Variants in AKAP19 observed in about 807,000 individuals in gnomAD.
The protein encoded by AKAP19 is small A-kinase anchoring protein.
chr2:190,140,537 A>G, the AKAP19 span, among the ~76,000 whole-genome samples: 1 of 152,154 alleles, frequency 6.6e-6, no homozygotes, highest in East Asian at 1.9e-4. Context: ...GCTCAACACC[A>G]TGTGGAAGCT....
chr2:190,089,264 A>G, the AKAP19 span, among the ~76,000 whole-genome samples: 1 of 151,844 alleles, frequency 6.6e-6, no homozygotes, highest in Non-Finnish European at 1.5e-5. Context: ...TTATTTATTT[A>G]TTTATTTTTA....
chr2:190,083,270 T>C, the AKAP19 span, among the ~76,000 whole-genome samples: 1 of 152,006 alleles, frequency 6.6e-6, no homozygotes, highest in African/African-American at 2.4e-5. Flanking sequence ...TCCCAACTAT[T>C]TGGGAGGCTG....
At chr2:190,064,621 T>C in the AKAP19 span, among the ~76,000 whole-genome samples, 1 of 152,286 alleles carries the variant, frequency 6.6e-6, no homozygotes, top group Middle Eastern at 3.4e-3. Flanking sequence ...ATGGCACCTG[T>C]CATATAGTAA....
the AKAP19 span, among the ~76,000 whole-genome samples, chr2:190,026,520 T>C: frequency 6.6e-6 from 1 of 152,218 alleles, no homozygotes; most frequent in African/African-American, 2.4e-5. Flanking sequence ...ACCAGAGCCC[T>C]GGAACCAAAA....
the AKAP19 span, among the ~76,000 whole-genome samples, chr2:189,936,067 A>G: frequency 2.0e-5 from 3 of 152,176 alleles, no homozygotes; most frequent in African/African-American, 7.2e-5. Flanking sequence ...ATTATAAAAT[A>G]ATGGATATTT....
chr2:190,200,352 T>C, the AKAP19 span: 1 of 551,366 alleles, frequency 1.8e-6, no homozygotes, highest in Non-Finnish European at 3.3e-6. Flanking sequence ...TCTTAGATTT[T>C]AGTCATCTGA....
the AKAP19 span, among the ~76,000 whole-genome samples, chr2:189,922,707 C>T: frequency 6.6e-6 from 1 of 152,136 alleles, no homozygotes; most frequent in Admixed American, 6.5e-5. Context: ...TTACCTATTA[C>T]TTATTGCTAT....
At chr2:190,110,720 G>T in the AKAP19 span, among the ~76,000 whole-genome samples, 3 of 152,172 alleles carry the variant, frequency 2.0e-5, no homozygotes, top group African/African-American at 7.2e-5. Context: ...GAATGATCTA[G>T]AAGTTGTAAC....
At chr2:189,964,799 G>A in the AKAP19 span, among the ~76,000 whole-genome samples, 1 of 152,172 alleles carries the variant, frequency 6.6e-6, no homozygotes, top group Non-Finnish European at 1.5e-5. Context: ...ATTAGGCTTT[G>A]GCATAAGGGA....
the AKAP19 span, among the ~76,000 whole-genome samples, chr2:190,064,386 C>A: frequency 6.6e-6 from 1 of 151,652 alleles, no homozygotes; most frequent in African/African-American, 2.4e-5. Context: ...ACACATGCAT[C>A]TATACAGTTC....
At chr2:189,956,427 C>T in the AKAP19 span, among the ~76,000 whole-genome samples, 3 of 151,916 alleles carry the variant, frequency 2.0e-5, no homozygotes, top group Non-Finnish European at 2.9e-5. Flanking sequence ...CCTCGGCCTC[C>T]CAAAGTGCTG....
chr2:189,879,684 G>A, the AKAP19 span: 1 of 152,284 alleles, frequency 6.6e-6, no homozygotes, highest in African/African-American at 2.4e-5. Flanking sequence ...TGGAGGTAAC[G>A]GCTGCTGCGG....
At chr2:190,200,061 G>C in the AKAP19 span, 6 of 1,613,956 alleles carry the variant, frequency 3.7e-6, no homozygotes, top group East Asian at 1.1e-4. Context: ...GCCTGTCTCA[G>C]GATATCTTGT....
chr2:189,907,247 A>G, the AKAP19 span, among the ~76,000 whole-genome samples: 1 of 151,780 alleles, frequency 6.6e-6, no homozygotes, highest in Non-Finnish European at 1.5e-5. Context: ...CCCAACTTTT[A>G]TTTTCTCTCT....
At chr2:190,143,767 A>C in the AKAP19 span, among the ~76,000 whole-genome samples, 5 of 151,282 alleles carry the variant, frequency 3.3e-5, no homozygotes, top group South Asian at 1.1e-3. Context: ...ACTTGGAACC[A>C]AGCCAAATGT....
chr2:190,058,951 G>A, the AKAP19 span, among the ~76,000 whole-genome samples: 2 of 151,730 alleles, frequency 1.3e-5, no homozygotes, highest in African/African-American at 2.4e-5. Flanking sequence ...TATGTAGCCA[G>A]AAACCACTTG....
At chr2:190,140,449 T>C in the AKAP19 span, among the ~76,000 whole-genome samples, 2 of 152,218 alleles carry the variant, frequency 1.3e-5, no homozygotes, top group African/African-American at 2.4e-5. Flanking sequence ...AGCACACTAC[T>C]GCTTGGACAT....
chr2:190,200,480 T>A, the AKAP19 span: 1 of 211,570 alleles, frequency 4.7e-6, no homozygotes, highest in South Asian at 1.2e-4. Context: ...CAAATTCCAA[T>A]GGTTGAAGTT....
At chr2:189,919,783 G>T in the AKAP19 span, among the ~76,000 whole-genome samples, 391 of 152,254 alleles carry the variant, frequency 2.6e-3, no homozygotes, top group Non-Finnish European at 4.1e-3. Flanking sequence ...TTCACTTTAT[G>T]TTGTCTCTGT....
Sources: gnomAD v4.1 joint callset for allele counts (sites outside exome capture counted in the v4.1 genomes callset) on GRCh38, gnomAD v4.1.1 for gene constraint, MANE v1.5 for transcripts, NCBI Gene and HGNC (gene_info 2026-07-23, HGNC 2026-07-21) for gene names.